The following TNNI3K variants were observed in gnomAD, a reference collection of about 807,000 sequenced individuals.
TNNI3K encodes the protein TNNI3 interacting kinase.
A neutral mutation model predicts 114.5 loss-of-function variants in TNNI3K; 140 were observed. That is an observed-to-expected ratio of 1.22 (90% CI 1.07 to 1.41). The LOEUF (loss-of-function observed/expected upper bound fraction) is 1.41. TNNI3K is among the 40% of genes most tolerant of loss of function. TNNI3K has a pLI of 0.00. For synonymous variants in TNNI3K, 347 were observed against 347.5 expected (o/e 1.00, Z 0.02); for missense variants, 1,125 against 1,007.6 (o/e 1.12, Z -1.58).
At chr1:74,295,470 T>C (rs1657924301) in intron 5 of TNNI3K, among the ~76,000 whole-genome samples, 1 of 152,194 alleles carries the variant, frequency 6.6e-6, no homozygotes, top group East Asian at 1.9e-4. Context: ...ACTATAATCA[T>C]GGATATCTAT....
In TNNI3K at chr1:74,370,394, T is replaced by C. The variant is rs762709255; in HGVS notation, c.1772+2T>C. ...AATTATACATCGTGACTTGAACAGG[T>C]ATTTTTTTCCTAAATAATGAACTCA... On this transcript the variant is annotated splice_donor_variant, in intron 17 of 24. Transcript: ENST00000326637. LOFTEE classifies it high-confidence loss of function. 1.2e-6 allele frequency: 2 copies of C among 1,602,792 alleles called. No homozygotes were observed. The highest frequency in any genetic ancestry group is 2.3e-5 in the East Asian group (1 of 44,444).
chr1:74,320,090 G>A (rs501694), intron 5 of TNNI3K, among the ~76,000 whole-genome samples: 151,458 of 152,316 alleles, frequency 0.99, 75,314 homozygotes, highest in Middle Eastern at 1. Context: ...ACTTGGGCGC[G>A]TGTGATATTG....
chr1:74,352,589 G>T (rs1304434682), intron 9 of TNNI3K, among the ~76,000 whole-genome samples: 1 of 152,206 alleles, frequency 6.6e-6, no homozygotes, highest in Non-Finnish European at 1.5e-5. Flanking sequence ...AGGCAGGCAG[G>T]CCTCCTTGAG....
intron 5 of TNNI3K, among the ~76,000 whole-genome samples, chr1:74,295,982 A>G (rs1474378607): frequency 2.0e-5 from 3 of 151,960 alleles, no homozygotes; most frequent in Admixed American, 6.6e-5. Flanking sequence ...TTCTTTACTC[A>G]TTATAAATTT....
At chr1:74,337,824 C>T (rs1660553619) in intron 7 of TNNI3K, among the ~76,000 whole-genome samples, 1 of 151,966 alleles carries the variant, frequency 6.6e-6, no homozygotes, top group Admixed American at 6.6e-5. Context: ...TTGTGACTGG[C>T]TTCTTTTGCT....
chr1:74,392,727 G>C (rs140253475), intron 17 of TNNI3K, among the ~76,000 whole-genome samples: 22 of 152,280 alleles, frequency 1.4e-4, no homozygotes, highest in African/African-American at 5.3e-4. Context: ...ATGAGAGTTG[G>C]TATTGTGACC....
In TNNI3K at chr1:74,436,065, T is replaced by C; in HGVS notation, c.1773-15T>C. On this transcript the variant is annotated splice_polypyrimidine_tract_variant and intron_variant, in intron 17 of 24. Transcript: ENST00000326637. ...CTTACTCAATGTCTACTTTTTTTTT[T>C]TTTTTTTTTTACAGTCACAATATTC... is the stretch of plus-strand genomic sequence containing the variant. 1.3e-6 allele frequency: 2 copies of C among 1,583,768 alleles called. No individual in the cohort carries two copies. Among genetic ancestry groups the C allele is most frequent in the African/African-American group, 1.4e-5 (1 of 72,474 alleles).
At chr1:74,472,139 T>C (rs1227764568) in intron 21 of TNNI3K, 3 of 717,268 alleles carry the variant, frequency 4.2e-6, no homozygotes, top group Non-Finnish European at 5.2e-6. Flanking sequence ...TTCTCAAGAC[T>C]TTCTCCTGCC....
chr1:74,453,071 C>G (rs1489925349), intron 20 of TNNI3K, among the ~76,000 whole-genome samples: 1 of 152,274 alleles, frequency 6.6e-6, no homozygotes, highest in East Asian at 1.9e-4. Flanking sequence ...ATTTTACTCA[C>G]AGTTTTGTAA....
intron 17 of TNNI3K, among the ~76,000 whole-genome samples, chr1:74,398,794 G>C (rs1458204147): frequency 6.6e-6 from 1 of 152,108 alleles, no homozygotes; most frequent in Non-Finnish European, 1.5e-5. Flanking sequence ...CACACCCCTT[G>C]TTATCTCCCC....
chr1:74,353,031 A>T (rs963592058), intron 9 of TNNI3K, among the ~76,000 whole-genome samples: 6 of 152,056 alleles, frequency 3.9e-5, no homozygotes, highest in African/African-American at 1.2e-4. Flanking sequence ...GAAATCACCC[A>T]TCTTCTGCAT....
intron 4 of TNNI3K, among the ~76,000 whole-genome samples, chr1:74,262,620 C>T (rs540708842): frequency 2.6e-5 from 4 of 151,302 alleles, no homozygotes; most frequent in South Asian, 4.2e-4. Context: ...GACTTTTAAA[C>T]ACTTTAATAG....
At chr1:74,543,828 G>A in intron 24 of TNNI3K, 78 bp from the exon 25 acceptor site, 1 of 1,552,032 alleles carries the variant, frequency 6.4e-7, no homozygotes, top group Non-Finnish European at 8.9e-7. Flanking sequence ...AGACCTGCCT[G>A]GTTCAGGCTG....
intron 2 of TNNI3K, among the ~76,000 whole-genome samples, chr1:74,244,526 C>A (rs1050394079): frequency 6.6e-6 from 1 of 151,540 alleles, no homozygotes; most frequent in Admixed American, 6.6e-5. Context: ...AAGCAATGGA[C>A]CCTGGCATCT....
At chr1:74,444,846 G>A (rs1397181527) in intron 20 of TNNI3K, among the ~76,000 whole-genome samples, 1 of 149,650 alleles carries the variant, frequency 6.7e-6, no homozygotes, top group African/African-American at 2.4e-5. Context: ...ATAGACCAAT[G>A]GAAGAGAACA....
rs45616639 is a variant in TNNI3K at position 74,521,594 on chromosome 1, C to T, written c.2352-18640C>T. Among the ~76,000 whole-genome samples, 870 of 151,984 alleles carry T rather than the reference C, an allele frequency of 5.7e-3. 4 individuals are homozygous for T. Among genetic ancestry groups the T allele is most frequent in the Non-Finnish European group, 9.9e-3 (674 of 67,976 alleles). On this transcript the variant is annotated intron_variant, in intron 23 of 24. Transcript: ENST00000326637. ...ACTATTTCCATAAAGCCTTTTTCTGCGTTCCTTTATTTAGCAAATGATTGG... is the reference window on the plus strand; with the variant it reads ...ACTATTTCCATAAAGCCTTTTTCTGTGTTCCTTTATTTAGCAAATGATTGG...
intron 17 of TNNI3K, among the ~76,000 whole-genome samples, chr1:74,399,037 T>C (rs2100586231): frequency 6.6e-6 from 1 of 151,032 alleles, no homozygotes; most frequent in East Asian, 2.0e-4. Flanking sequence ...GCGCCTGTAA[T>C]CCCAGCTACT....
intron 23 of TNNI3K, among the ~76,000 whole-genome samples, chr1:74,509,063 G>A (rs550995857): frequency 2.0e-5 from 3 of 152,204 alleles, no homozygotes; most frequent in East Asian, 1.9e-4. Context: ...TCTGAAATTC[G>A]GGATCCTTAT....
At chr1:74,409,254 CTAAA>C (rs1304593474) in intron 17 of TNNI3K, among the ~76,000 whole-genome samples, 2 of 151,982 alleles carry the variant, frequency 1.3e-5, no homozygotes, top group Non-Finnish European at 2.9e-5. Context: ...CTAAGTCTGA[CTAAA>C]TAAAGACAGA....
Sources: gnomAD v4.1 joint callset for allele counts (sites outside exome capture counted in the v4.1 genomes callset) on GRCh38, gnomAD v4.1.1 for gene constraint, MANE v1.5 for transcripts, NCBI Gene and HGNC (gene_info 2026-07-23, HGNC 2026-07-21) for gene names.